DNMBP: variants seen among roughly 807,000 people sequenced by gnomAD.
DNMBP encodes dynamin-binding protein.
A neutral mutation model predicts 150.0 loss-of-function variants in DNMBP; 87 were observed. The observed-to-expected ratio is 0.58, with a 90% CI of 0.49 to 0.69. The LOEUF (loss-of-function observed/expected upper bound fraction) is 0.69. Among genes scored for constraint, DNMBP ranks in the 30% least tolerant of loss-of-function variants. DNMBP has a pLI of 0.00. For missense variants in DNMBP, 1,774 were observed against 1,949.0 expected (o/e 0.91, Z 1.69); for synonymous variants, 711 against 750.4 (o/e 0.95, Z 0.86).
At chr10:99,985,464 GC>G (rs1589449639) in intron 1 of DNMBP, among the ~76,000 whole-genome samples, 1 of 152,078 alleles carries the variant, frequency 6.6e-6, no homozygotes, top group Non-Finnish European at 1.5e-5. Flanking sequence ...GTCTCGCTCA[GC>G]CACCCAGGGG....
At chr10:99,938,188 A>G (rs577652791) in intron 4 of DNMBP, among the ~76,000 whole-genome samples, 2 of 152,240 alleles carry the variant, frequency 1.3e-5, no homozygotes, top group Non-Finnish European at 2.9e-5. Context: ...AAATACACCT[A>G]ATCAACCAAG....
At chr10:99,998,031 C>G (rs1324380057) in intron 1 of DNMBP, among the ~76,000 whole-genome samples, 2 of 145,308 alleles carry the variant, frequency 1.4e-5, no homozygotes, top group South Asian at 2.4e-4. Context: ...GTCAGGAGAT[C>G]AAGACCATCC....
At chr10:99,924,954 C>T (rs1339863221) in intron 4 of DNMBP, among the ~76,000 whole-genome samples, 4 of 152,172 alleles carry the variant, frequency 2.6e-5, no homozygotes, top group Non-Finnish European at 5.9e-5. Flanking sequence ...ATCCTTATCA[C>T]CACTGCCCTC....
At chr10:99,941,470 ATT>A (rs879833118) in intron 4 of DNMBP, among the ~76,000 whole-genome samples, 6 of 143,506 alleles carry the variant, frequency 4.2e-5, no homozygotes, top group Middle Eastern at 3.6e-3. Context: ...ACTCTTCTCA[ATT>A]TTTTTTTTTT....
intron 1 of DNMBP, among the ~76,000 whole-genome samples, chr10:99,997,873 A>G (rs1202989867): frequency 7.5e-6 from 1 of 133,420 alleles, no homozygotes; most frequent in East Asian, 2.3e-4. Flanking sequence ...GGCTGCAGTG[A>G]GCTGAGATCA....
In DNMBP at chr10:99,955,509, C is replaced by A. The variant is rs752061434; in HGVS notation, c.1965G>T (p.Thr655=). The part of the protein sequence containing the change: ...APLPPSAQQR[T]NAVSPKLLSR... Reference sequence around the variant, plus strand: ...ATAGGAGCTTGGGGGATACCGCATTCGTTCTCTGCTGTGCTGAGGGAGGCA... The same window carrying A: ...ATAGGAGCTTGGGGGATACCGCATTAGTTCTCTGCTGTGCTGAGGGAGGCA... The change falls in exon 4 of 17, where the codon ACG becomes ACT. Residue 655 remains threonine, a synonymous_variant. Transcript: ENST00000324109. 6 of 1,597,534 alleles carry A rather than the reference C, an allele frequency of 3.8e-6. No homozygotes were observed. The highest frequency in any genetic ancestry group is 5.1e-6 in the Non-Finnish European group (6 of 1,171,626).
At position 99,915,108 on chromosome 10, in the gene DNMBP, A is replaced by AAATATATAT. The variant is rs10654940; in HGVS notation, c.2261-5963_2261-5962insATATATATT. On this transcript the variant is annotated intron_variant, in intron 4 of 16. Coordinates refer to ENST00000324109, the MANE Select transcript of DNMBP (RefSeq NM_015221.4). ...AAACTCTGTCTCAAAAAAAAAAAAAAATATATATATATATATATATACACA... is the reference window on the plus strand; with the variant it reads ...AAACTCTGTCTCAAAAAAAAAAAAAAAATATATATATATATATATATATATATATACACA... 3.1e-3 allele frequency among the ~76,000 whole-genome samples: 307 copies of AAATATATAT among 99,746 alleles called. 1 individual carries two copies. The highest frequency in any genetic ancestry group is 0.025 in the Middle Eastern group (3 of 118). 65.4% of individuals were successfully genotyped at this position (99,746 alleles called of 152,430 possible).
rs866818939 is a variant in DNMBP, at chr10:99,898,213, C to T, written c.2793G>A (p.Leu931=). Reference sequence around the variant, plus strand: ...TGGAATTCAGCAACTCCATTAGCAACAGCGGGTAACGCATTACTCTCTGTA... The same window carrying T: ...TGGAATTCAGCAACTCCATTAGCAATAGCGGGTAACGCATTACTCTCTGTA... ...KPVQRVMRYP[L]LLMELLNSTP... is the part of the protein sequence containing the mutation. The change falls in exon 9 of 17, where the codon CTG becomes CTA. Residue 931 remains leucine, a synonymous_variant. Coordinates refer to ENST00000324109, the MANE Select transcript of DNMBP (RefSeq NM_015221.4). 1.9e-6 allele frequency: 3 copies of T among 1,614,042 alleles called. No individual in the cohort carries two copies. The highest frequency in any genetic ancestry group is 1.6e-4 in the Middle Eastern group (1 of 6,062).
chr10:99,917,574 ACAGT>A (rs10598821), intron 4 of DNMBP, among the ~76,000 whole-genome samples: 4,108 of 152,294 alleles, frequency 0.027, 194 homozygotes, highest in African/African-American at 0.092. Flanking sequence ...GAATGTTCTA[ACAGT>A]CAGCCCCCAA....
intron 6 of DNMBP, among the ~76,000 whole-genome samples, chr10:99,903,970 TG>T (rs2039784695): frequency 6.6e-6 from 1 of 151,888 alleles, no homozygotes; most frequent in Admixed American, 6.6e-5. Flanking sequence ...TTGCCCAGGC[TG>T]GTCCAGAACT....
intron 1 of DNMBP, among the ~76,000 whole-genome samples, chr10:100,001,281 A>G: frequency 7.6e-6 from 1 of 131,622 alleles, no homozygotes; most frequent in Non-Finnish European, 1.6e-5. Context: ...AAGGATAGAG[A>G]GTGAGAAAGG....
At chr10:99,928,961 T>G (rs59066911) in intron 4 of DNMBP, among the ~76,000 whole-genome samples, 1 of 151,698 alleles carries the variant, frequency 6.6e-6, no homozygotes, top group African/African-American at 2.4e-5. Flanking sequence ...CTGGGCAACA[T>G]GGTGAAACCC....
chr10:100,009,015 T>C (rs1476417242), intron 1 of DNMBP, among the ~76,000 whole-genome samples: 1 of 152,234 alleles, frequency 6.6e-6, no homozygotes, highest in Non-Finnish European at 1.5e-5. Context: ...ATCTTCATGT[T>C]TGTGTAAAAG....
At chr10:99,971,416 C>T (rs2040675892) in intron 2 of DNMBP, among the ~76,000 whole-genome samples, 1 of 152,072 alleles carries the variant, frequency 6.6e-6, no homozygotes, top group Non-Finnish European at 1.5e-5. Flanking sequence ...GTTGACCAGG[C>T]TGGTCATGAA....
intron 1 of DNMBP, among the ~76,000 whole-genome samples, chr10:99,978,179 A>G (rs1242001121): frequency 8.5e-5 from 13 of 152,210 alleles, no homozygotes; most frequent in Non-Finnish European, 1.0e-4. Flanking sequence ...TAGCTGACAA[A>G]TAGCTAAACC....
At chr10:99,984,347 C>T (rs61873794) in intron 1 of DNMBP, among the ~76,000 whole-genome samples, 6,726 of 152,230 alleles carry the variant, frequency 0.044, 162 homozygotes, top group South Asian at 0.087. Flanking sequence ...AATTTAAGAA[C>T]CACTGACTCA....
At chr10:99,915,874 G>A (rs1358063869) in intron 4 of DNMBP, among the ~76,000 whole-genome samples, 1 of 152,204 alleles carries the variant, frequency 6.6e-6, no homozygotes, top group African/African-American at 2.4e-5. Context: ...GTAAGTAGAA[G>A]AGCTGAGATT....
chr10:99,877,091 C>CA lies in DNMBP; in HGVS notation c.*59_*60insT. 6.7e-7 allele frequency: 1 copy of CA among 1,485,870 alleles called. No homozygotes were observed. The highest frequency in any genetic ancestry group is 9.0e-7 in the Non-Finnish European group (1 of 1,110,272). 92.0% of individuals were successfully genotyped at this position (1,485,870 alleles called of 1,614,324 possible). ...GAGCAGGCGCCCTCTCGGTGGGCCG[C>CA]CAGAACCCTCGGCGGACTGAAAGCA... On this transcript the variant is annotated 3_prime_UTR_variant, in exon 17 of 17. Coordinates refer to ENST00000324109, the MANE Select transcript of DNMBP (RefSeq NM_015221.4).
intron 3 of DNMBP, among the ~76,000 whole-genome samples, chr10:99,966,608 G>A (rs1465419371): frequency 6.6e-6 from 1 of 152,176 alleles, no homozygotes; most frequent in Non-Finnish European, 1.5e-5. Context: ...TCCACTGGGA[G>A]AGCTATGAGT....
Sources: gnomAD v4.1 joint callset for allele counts (sites outside exome capture counted in the v4.1 genomes callset) on GRCh38, gnomAD v4.1.1 for gene constraint, MANE v1.5 for transcripts, NCBI Gene and HGNC (gene_info 2026-07-23, HGNC 2026-07-21) for gene names.